Variants in IARS2 observed in about 807,000 individuals in gnomAD.
IARS2 encodes isoleucyl-tRNA synthetase 2, mitochondrial, also known as isoleucine--tRNA ligase, mitochondrial.
Under a neutral mutation model 126.3 loss-of-function variants are expected in IARS2, and 56 were observed. That is an observed-to-expected ratio of 0.44 (90% CI 0.36 to 0.55). The LOEUF (loss-of-function observed/expected upper bound fraction) is 0.55, where lower values mean the gene tolerates loss of function less well. Ranked by LOEUF, IARS2 falls within the 20% of genes least tolerant of loss-of-function variation. The pLI, the probability that IARS2 is intolerant of heterozygous loss-of-function variation, is 0.00. For synonymous variants in IARS2, 407 were observed against 441.1 expected, an observed-to-expected ratio of 0.92 and a Z score of 0.97; for missense variants, 1,127 against 1,245.9, an observed-to-expected ratio of 0.90 and a Z score of 1.44.
At chr1:220,134,786 GA>G (rs1657339954) in intron 15 of IARS2, 2 of 145,886 alleles carry the variant, frequency 1.4e-5, no homozygotes, top group South Asian at 2.7e-4. Context: ...TTTTTTTTTT[GA>G]AAAAGGATCG....
At chr1:220,108,818 C>T (rs1389439889) in intron 10 of IARS2, among the ~76,000 whole-genome samples, 2 of 150,258 alleles carry the variant, frequency 1.3e-5, no homozygotes, top group Non-Finnish European at 2.9e-5. Context: ...CGTACCCAGC[C>T]ACCTTCTTTA....
At chr1:220,136,960 AT>A in intron 16 of IARS2, 49 bp downstream of exon 16, 1 of 1,165,606 alleles carries the variant, frequency 8.6e-7, no homozygotes, top group African/African-American at 1.5e-5. Flanking sequence ...AGGATCTTAA[AT>A]TGGCAGCCAA....
intron 14 of IARS2, among the ~76,000 whole-genome samples, chr1:220,132,473 G>A (rs897525330): frequency 1.3e-5 from 2 of 150,658 alleles, no homozygotes; most frequent in Non-Finnish European, 3.0e-5. Flanking sequence ...ATAGTAGTCT[G>A]TGATGATCCT....
chr1:220,144,468 G>T (rs766663382), intron 21 of IARS2: 2 of 490,428 alleles, frequency 4.1e-6, no homozygotes, highest in African/African-American at 2.0e-5. Context: ...TTTTAATGAT[G>T]TAATTAGCAA....
intron 13 of IARS2, 139 bp from the exon 14 acceptor site, chr1:220,126,611 C>G (rs1178639604): frequency 1.5e-6 from 1 of 660,682 alleles, no homozygotes; most frequent in Non-Finnish European, 2.6e-6. Flanking sequence ...CTGTGAAATG[C>G]TTAAAAATAC....
intron 11 of IARS2, among the ~76,000 whole-genome samples, 159 bp downstream of exon 11, chr1:220,111,096 G>T (rs1234557363): frequency 1.3e-5 from 2 of 152,100 alleles, no homozygotes; most frequent in African/African-American, 2.4e-5. Flanking sequence ...GAAGGACCTT[G>T]GACTTCCATT....
intron 10 of IARS2, among the ~76,000 whole-genome samples, chr1:220,107,652 T>G (rs1159178075): frequency 6.6e-6 from 1 of 152,248 alleles, no homozygotes; most frequent in Admixed American, 6.5e-5. Flanking sequence ...ATATTACTTT[T>G]CTAGGGCTAC....
intron 1 of IARS2, 70 bp downstream of exon 1, chr1:220,094,553 G>A (rs747387811): frequency 4.5e-6 from 6 of 1,333,366 alleles, no homozygotes; most frequent in Non-Finnish European, 5.0e-6. Context: ...GGCGCTCGCA[G>A]GCGCCACACC....
At chr1:220,145,391 G>A in intron 21 of IARS2, 118 bp from the exon 22 acceptor site, 1 of 786,906 alleles carries the variant, frequency 1.3e-6, no homozygotes. Context: ...TGCTCAGGAT[G>A]CAATGGTATA....
At chr1:220,120,341 C>T (rs986353555) in intron 12 of IARS2, among the ~76,000 whole-genome samples, 2 of 150,092 alleles carry the variant, frequency 1.3e-5, no homozygotes, top group Admixed American at 6.6e-5. Context: ...CTCGGCCTCC[C>T]AGAGTGCTGG....
intron 3 of IARS2, among the ~76,000 whole-genome samples, chr1:220,100,864 AT>A (rs1656556361): frequency 6.6e-6 from 1 of 152,190 alleles, no homozygotes; most frequent in African/African-American, 2.4e-5. Context: ...CTTTGTGAGC[AT>A]TTCTGATTGC....
At chr1:220,116,893 C>T (rs1237517921) in intron 12 of IARS2, among the ~76,000 whole-genome samples, 28 of 149,922 alleles carry the variant, frequency 1.9e-4, no homozygotes, top group Admixed American at 1.9e-3. Context: ...ACTACAGGCA[C>T]GCGCCACTGA....
At position 220,126,827 on chromosome 1, in the gene IARS2, G is replaced by A. The variant is rs373436822; in HGVS notation, c.1821G>A (p.Trp607Ter). The A allele has an allele frequency of 3.1e-6, 5 of 1,609,256 alleles. No individual in the cohort carries two copies. Among genetic ancestry groups the A allele is most frequent in the Non-Finnish European group, 4.2e-6 (5 of 1,178,368 alleles). ...LDIWFDSGTS[W>*]SYVLPGPDQR... ...TCTGGTTTGATAGCGGAACTTCATG[G>A]TCTTATGTTCTTCCAGGTAATTCTT... The change falls in exon 14 of 23, where the codon TGG becomes TGA. Residue 607 changes from tryptophan (W) to a stop codon, truncating the protein, a stop_gained. Coordinates refer to ENST00000366922, the MANE Select transcript of IARS2 (RefSeq NM_018060.4). LOFTEE classifies it high-confidence loss of function.
chr1:220,112,484 C>A (rs1656826706), intron 11 of IARS2, among the ~76,000 whole-genome samples: 1 of 151,982 alleles, frequency 6.6e-6, no homozygotes. Context: ...AAAGCAAATT[C>A]CAGGCACTAT....
chr1:220,113,708 G>A (rs1656858212), intron 11 of IARS2, among the ~76,000 whole-genome samples: 1 of 151,438 alleles, frequency 6.6e-6, no homozygotes, highest in Non-Finnish European at 1.5e-5. Context: ...GCACTGCCAT[G>A]CTCATAGCTC....
chr1:220,108,929 C>G (rs1303809613), intron 10 of IARS2, among the ~76,000 whole-genome samples: 8 of 125,928 alleles, frequency 6.4e-5, no homozygotes, highest in African/African-American at 2.5e-4. Flanking sequence ...TGTCAATATT[C>G]AGTATCAAAG....
At chr1:220,115,478 T>G (rs1306832874) in intron 12 of IARS2, among the ~76,000 whole-genome samples, 5 of 152,078 alleles carry the variant, frequency 3.3e-5, no homozygotes, top group African/African-American at 1.2e-4. Context: ...GAGAACTGCT[T>G]GAACCTGGGA....
chr1:220,128,814 A>G (rs1571858773), intron 14 of IARS2, among the ~76,000 whole-genome samples: 1 of 152,128 alleles, frequency 6.6e-6, no homozygotes, highest in East Asian at 1.9e-4. Context: ...AGTGCACGTT[A>G]TATTTGGCGC....
intron 15 of IARS2, 64 bp from the exon 16 acceptor site, chr1:220,136,745 C>A (rs1657385271): frequency 2.5e-6 from 2 of 798,114 alleles, no homozygotes; most frequent in Admixed American, 2.5e-5. Context: ...TTAAGCTGTA[C>A]CTAATCTTCA....
Sources: gnomAD v4.1 joint callset for allele counts (sites outside exome capture counted in the v4.1 genomes callset) on GRCh38, gnomAD v4.1.1 for gene constraint, MANE v1.5 for transcripts, NCBI Gene and HGNC (gene_info 2026-07-23, HGNC 2026-07-21) for gene names.